SCARA5: variants seen among roughly 807,000 people sequenced by gnomAD.
SCARA5 encodes scavenger receptor class A, member 5 (putative).
SCARA5 carries 45 observed loss-of-function variants against 46.3 expected under a neutral mutation model. The ratio of observed to expected loss-of-function variants is 0.97; its 90% CI spans 0.76 to 1.24. The LOEUF (loss-of-function observed/expected upper bound fraction) is 1.24. SCARA5 is among the 50% of genes most tolerant of loss of function. The pLI, the probability that SCARA5 is intolerant of heterozygous loss-of-function variation, is 0.00. For synonymous variants in SCARA5, 333 were observed against 306.5 expected, an observed-to-expected ratio of 1.09 and a Z score of -0.90; for missense variants, 680 against 689.0, an observed-to-expected ratio of 0.99 and a Z score of 0.15.
intron 4 of SCARA5, among the ~76,000 whole-genome samples, chr8:27,918,602 AAGG>A (rs1402400209): frequency 2.1e-5 from 3 of 142,738 alleles, no homozygotes; most frequent in African/African-American, 7.9e-5. Flanking sequence ...AGAGGAGGAG[AAGG>A]AGGAGGAAGA....
chr8:27,922,105 C>T lies in SCARA5; in HGVS notation c.382G>A (p.Val128Met), dbSNP rs1264720790. 1 of 1,605,026 alleles carries T rather than the reference C, an allele frequency of 6.2e-7. No homozygotes were observed. Among genetic ancestry groups the T allele is most frequent in the Admixed American group, 1.7e-5 (1 of 58,882 alleles). The change falls in exon 4 of 9, where the codon GTG becomes ATG. Residue 128 changes from valine (V) to methionine (M), a missense_variant. Physicochemically the swap from Val to Met is conservative, Grantham distance 21 (BLOSUM62 1). Coordinates refer to ENST00000354914, the MANE Select transcript of SCARA5 (RefSeq NM_173833.6). ...GACTGGTTCTGCAGCGCGTCCTGCA[C>T]CTTCCACACCTGCTCCGTCAGGTCC... ...QADLTEQVWK[V>M]QDALQNQSDS...
At chr8:27,960,379 G>A (rs1228842238) in intron 3 of SCARA5, among the ~76,000 whole-genome samples, 1 of 152,054 alleles carries the variant, frequency 6.6e-6, no homozygotes, top group Non-Finnish European at 1.5e-5. Flanking sequence ...GTCTCACTAT[G>A]TTGCCCAAAC....
intron 3 of SCARA5, among the ~76,000 whole-genome samples, chr8:27,940,640 ACCC>A (rs1807928050): frequency 3.6e-4 from 10 of 27,452 alleles, no homozygotes; most frequent in South Asian, 1.7e-3. Flanking sequence ...CCACCCACCC[ACCC>A]ACCCATCCAT....
intron 2 of SCARA5, among the ~76,000 whole-genome samples, chr8:27,974,403 G>A (rs1808492540): frequency 6.6e-6 from 1 of 151,998 alleles, no homozygotes; most frequent in South Asian, 2.1e-4. Flanking sequence ...CTCACAAATT[G>A]GATCTGATAA....
chr8:27,897,554 G>A (rs1807084414), intron 7 of SCARA5, among the ~76,000 whole-genome samples: 1 of 152,240 alleles, frequency 6.6e-6, no homozygotes, highest in Non-Finnish European at 1.5e-5. Context: ...TTTTCTTGCA[G>A]GGCAAACCCC....
At chr8:27,957,065 G>A (rs1433729008) in intron 3 of SCARA5, among the ~76,000 whole-genome samples, 1 of 152,172 alleles carries the variant, frequency 6.6e-6, no homozygotes, top group Non-Finnish European at 1.5e-5. Flanking sequence ...GAGGAGAGGT[G>A]GGTTTAGGAG....
intron 3 of SCARA5, among the ~76,000 whole-genome samples, chr8:27,941,797 CATCATTATTATTATTATT>C (rs916155854): frequency 4.5e-5 from 5 of 109,992 alleles, no homozygotes; most frequent in African/African-American, 1.3e-4. Flanking sequence ...CCATTTACAT[CATCATTATTATTATTATT>C]ATTATTATTA....
Position 27,921,420 on chromosome 8 carries a change from G to A in SCARA5, c.916+151C>T, listed in dbSNP as rs185082596. 4.6e-6 allele frequency: 3 copies of A among 649,088 alleles called. No homozygotes were observed. In the Admixed American group the frequency reaches 1.1e-4, roughly 23 times the overall value. The allele number at this position is 649,088 out of a possible 1,614,324, so 40.2% of individuals were successfully genotyped here. A position where few individuals can be genotyped will look rare whatever the true frequency, so the allele number is the denominator to read the frequency against. On this transcript the variant is annotated intron_variant, in intron 4 of 8. Coordinates refer to ENST00000354914, the MANE Select transcript of SCARA5 (RefSeq NM_173833.6). ...GCAGAAAATTCCAGAGTCCTGTAGGGCAAGACTTAGAGAGTATGGGGCTGG... is the reference window on the plus strand; with the variant it reads ...GCAGAAAATTCCAGAGTCCTGTAGGACAAGACTTAGAGAGTATGGGGCTGG...
chr8:27,939,432 A>G (rs1670862588), intron 3 of SCARA5, among the ~76,000 whole-genome samples: 2 of 152,120 alleles, frequency 1.3e-5, no homozygotes, highest in South Asian at 2.1e-4. Context: ...GTGAGCTCTG[A>G]CTTTTGCATG....
At chr8:27,976,184 C>T (rs1277956962) in intron 2 of SCARA5, among the ~76,000 whole-genome samples, 1 of 152,130 alleles carries the variant, frequency 6.6e-6, no homozygotes, top group African/African-American at 2.4e-5. Flanking sequence ...TGAGCTGGGA[C>T]ACCACTGCAG....
chr8:27,912,127 A>G (rs1585483202), intron 4 of SCARA5, among the ~76,000 whole-genome samples: 2 of 152,320 alleles, frequency 1.3e-5, no homozygotes, highest in East Asian at 3.9e-4. Flanking sequence ...CTTCTGTTAA[A>G]CCACCAAGTT....
intron 3 of SCARA5, 70 bp from the exon 4 acceptor site, chr8:27,922,315 C>G (rs1355005229): frequency 1.1e-5 from 12 of 1,112,732 alleles, no homozygotes; most frequent in South Asian, 1.0e-4. Context: ...AGAGGCGAAC[C>G]CAGTCAGAGC....
At chr8:27,892,313 C>T (rs993767287) in intron 7 of SCARA5, among the ~76,000 whole-genome samples, 2 of 152,196 alleles carry the variant, frequency 1.3e-5, no homozygotes, top group Non-Finnish European at 2.9e-5. Context: ...CTGGTTATCC[C>T]AAATCTCCTT....
At chr8:27,892,684 A>T (rs982579011) in intron 7 of SCARA5, among the ~76,000 whole-genome samples, 3 of 138,662 alleles carry the variant, frequency 2.2e-5, no homozygotes, top group African/African-American at 8.2e-5. Context: ...ATCTTGGCTC[A>T]CTCAAGCCCC....
At chr8:27,989,054 G>A (rs1013461038) in intron 1 of SCARA5, among the ~76,000 whole-genome samples, 2 of 151,192 alleles carry the variant, frequency 1.3e-5, no homozygotes, top group Admixed American at 6.6e-5. Flanking sequence ...GGCGGCTGGC[G>A]GGGTTGCTCT....
chr8:27,923,829 T>C (rs968217407), intron 3 of SCARA5, among the ~76,000 whole-genome samples: 3 of 152,160 alleles, frequency 2.0e-5, no homozygotes, highest in Admixed American at 1.3e-4. Flanking sequence ...CGCCTTGGCC[T>C]CCCAAAGTGT....
chr8:27,903,881 G>T (rs891406948), intron 7 of SCARA5, among the ~76,000 whole-genome samples: 66 of 152,156 alleles, frequency 4.3e-4, no homozygotes, highest in African/African-American at 1.5e-3. Flanking sequence ...GATGCCAGAG[G>T]CAGTGATATT....
intron 7 of SCARA5, among the ~76,000 whole-genome samples, chr8:27,895,114 A>G (rs893496237): frequency 2.4e-4 from 36 of 152,318 alleles, no homozygotes; most frequent in Middle Eastern, 3.4e-3. Flanking sequence ...CCCCTGAAAG[A>G]GCAAAACAAG....
intron 1 of SCARA5, among the ~76,000 whole-genome samples, chr8:27,990,570 G>A (rs1808773498): frequency 6.6e-6 from 1 of 152,170 alleles, no homozygotes; most frequent in Admixed American, 6.5e-5. Flanking sequence ...TATCAGAGCG[G>A]GAAGAGGCCC....
Sources: allele counts gnomAD v4.1 joint callset (sites outside exome capture counted in the v4.1 genomes callset), GRCh38; gene constraint gnomAD v4.1.1; transcripts MANE v1.5; gene names NCBI Gene and HGNC (gene_info 2026-07-23, HGNC 2026-07-21).